The following SRGAP2B variants were observed in gnomAD, a reference collection of about 807,000 sequenced individuals.
The protein encoded by SRGAP2B is SLIT-ROBO Rho GTPase-activating protein 2B.
SRGAP2B carries 9 observed loss-of-function variants against 22.2 expected under a neutral mutation model. The observed-to-expected ratio is 0.41, with a 90% CI of 0.24 to 0.71. The LOEUF (loss-of-function observed/expected upper bound fraction) is 0.71, where lower values mean the gene tolerates loss of function less well. Among genes scored for constraint, SRGAP2B ranks in the 30% least tolerant of loss-of-function variants. The pLI is 0.35. For synonymous variants in SRGAP2B, 36 were observed against 87.4 expected, an observed-to-expected ratio of 0.41 and a Z score of 3.28; for missense variants, 114 against 235.8, an observed-to-expected ratio of 0.48 and a Z score of 3.38.
chr1:144,976,601 G>A (rs1471359687), intron 3 of SRGAP2B, among the ~76,000 whole-genome samples: 1 of 146,404 alleles, frequency 6.8e-6, no homozygotes, highest in Non-Finnish European at 1.5e-5. Flanking sequence ...CACAGTAAAG[G>A]CAAGGAAAGT....
intron 3 of SRGAP2B, among the ~76,000 whole-genome samples, chr1:144,967,600 A>G (rs1250011464): frequency 7.0e-6 from 1 of 143,188 alleles, no homozygotes; most frequent in African/African-American, 2.7e-5. Context: ...GCAAGAGCAA[A>G]CACATTCAAA....
At chr1:145,035,844 C>T (rs1440929683) in intron 2 of SRGAP2B, among the ~76,000 whole-genome samples, 41 of 147,430 alleles carry the variant, frequency 2.8e-4, no homozygotes, top group South Asian at 2.2e-4. Context: ...GATTCAGTTA[C>T]GCTCTGTATT....
intron 4 of SRGAP2B, among the ~76,000 whole-genome samples, chr1:144,925,267 A>T (rs1437413767): frequency 6.7e-6 from 1 of 149,308 alleles, no homozygotes; most frequent in African/African-American, 2.6e-5. Context: ...GGCCTCCGAA[A>T]GTGCTGTGAT....
chr1:144,970,994 C>G (rs1668470871), intron 3 of SRGAP2B, among the ~76,000 whole-genome samples: 1 of 150,400 alleles, frequency 6.6e-6, no homozygotes, highest in South Asian at 2.1e-4. Context: ...CTCAACAGCC[C>G]ACACAATGAA....
rs1277124673 is a variant in SRGAP2B at position 145,067,201 on chromosome 1, A to G, written c.67+25634T>C. Among the ~76,000 whole-genome samples the G allele has an allele frequency of 4.1e-5, 6 of 147,218 alleles. No homozygotes were observed. In the East Asian group the frequency reaches 1.2e-3, roughly 29 times the overall value. ...CTACCGGGGTGGCTGAGGCACAAAA[A>G]TCATTTGAACCTGGGAGGCAGAGGT... On this transcript the variant is annotated intron_variant, in intron 2 of 9. Coordinates refer to ENST00000612199, the Ensembl canonical transcript of SRGAP2B.
chr1:144,995,015 G>T lies in SRGAP2B; in HGVS notation c.253C>A (p.Gln85Lys), dbSNP rs782357579. The change falls in exon 3 of 10, where the codon CAA becomes AAA. Residue 85 changes from glutamine (Q) to lysine (K), a missense_variant. Gln to Lys is a moderately conservative substitution (Grantham distance 53, BLOSUM62 1). Transcript: ENST00000612199. ...TAGCCACAGAGCCCCTACTTGAATT[G>T]CTGGTCCTTGGTGCTGCATGTCTTG... The T allele has an allele frequency of 1.4e-5, 21 of 1,530,510 alleles. 1 individual carries two copies. Among genetic ancestry groups the T allele is most frequent in the Middle Eastern group, 3.5e-4 (2 of 5,762 alleles). 94.8% of individuals were successfully genotyped at this position (1,530,510 alleles called of 1,614,324 possible).
chr1:144,907,165 A>G (rs1425604941), intron 5 of SRGAP2B, among the ~76,000 whole-genome samples: 5 of 148,656 alleles, frequency 3.4e-5, no homozygotes, highest in African/African-American at 1.3e-4. Flanking sequence ...GTGTGTGTGC[A>G]TGTGTGTGTG....
At chr1:144,914,322 C>A (rs1334737609) in intron 5 of SRGAP2B, among the ~76,000 whole-genome samples, 16 of 151,096 alleles carry the variant, frequency 1.1e-4, no homozygotes, top group Admixed American at 5.3e-4. Context: ...GCCTTTCCGA[C>A]AGGCACATAT....
chr1:145,075,963 C>T (rs1553633971), intron 2 of SRGAP2B, among the ~76,000 whole-genome samples: 3 of 149,828 alleles, frequency 2.0e-5, no homozygotes, highest in Admixed American at 6.6e-5. Context: ...TGGCACGCAC[C>T]TATAATCCCA....
intron 2 of SRGAP2B, among the ~76,000 whole-genome samples, chr1:145,041,378 T>A (rs2102350784): frequency 7.4e-6 from 1 of 135,778 alleles, no homozygotes; most frequent in East Asian, 2.1e-4. Flanking sequence ...TCGCAGCACC[T>A]TGGGAGGCTG....
chr1:145,007,117 A>G (rs1671655469), intron 2 of SRGAP2B, among the ~76,000 whole-genome samples: 1 of 150,556 alleles, frequency 6.6e-6, no homozygotes, highest in Non-Finnish European at 1.5e-5. Context: ...GTAAGCCTCC[A>G]TTAAAAGGCA....
intron 4 of SRGAP2B, among the ~76,000 whole-genome samples, chr1:144,938,912 GT>G (rs1665832910): frequency 1.3e-5 from 1 of 77,242 alleles, no homozygotes; most frequent in Non-Finnish European, 2.5e-5. Context: ...CTGCCTTCTG[GT>G]AAATCTAATT....
chr1:144,947,485 G>GTGACTGAT (rs1380304663), intron 4 of SRGAP2B, among the ~76,000 whole-genome samples: 25 of 149,562 alleles, frequency 1.7e-4, no homozygotes, highest in Admixed American at 1.6e-3. Flanking sequence ...CAATTCTCTT[G>GTGACTGAT]TGACTGATTC....
chr1:144,966,457 C>T (rs1295619005), intron 3 of SRGAP2B, among the ~76,000 whole-genome samples: 2 of 147,192 alleles, frequency 1.4e-5, no homozygotes, highest in Admixed American at 1.3e-4. Flanking sequence ...ATTTTGTCAC[C>T]ACCAGGCCTG....
At chr1:144,967,544 G>C (rs1377602676) in intron 3 of SRGAP2B, among the ~76,000 whole-genome samples, 1 of 148,230 alleles carries the variant, frequency 6.7e-6, no homozygotes, top group Non-Finnish European at 1.5e-5. Flanking sequence ...AAGCAGGAAA[G>C]ATCCAAAATT....
At chr1:145,061,417 T>G (rs1374169097) in intron 2 of SRGAP2B, among the ~76,000 whole-genome samples, 1 of 97,978 alleles carries the variant, frequency 1.0e-5, no homozygotes, top group African/African-American at 4.4e-5. Flanking sequence ...AATTCTGCCC[T>G]TCATTTCTCA....
chr1:144,980,674 T>C (rs1669260542), intron 3 of SRGAP2B, among the ~76,000 whole-genome samples: 1 of 146,222 alleles, frequency 6.8e-6, no homozygotes, highest in Non-Finnish European at 1.5e-5. Flanking sequence ...AAGGAGGAGC[T>C]AGCAGAAAAG....
intron 2 of SRGAP2B, 109 bp from the exon 3 acceptor site, chr1:144,995,309 T>C (rs1447795407): frequency 2.5e-6 from 1 of 402,246 alleles, no homozygotes. Flanking sequence ...CCCTGGGAAA[T>C]TGAAAGCCCT....
At chr1:145,006,966 C>T (rs1226553740) in intron 2 of SRGAP2B, among the ~76,000 whole-genome samples, 1 of 150,436 alleles carries the variant, frequency 6.6e-6, no homozygotes, top group East Asian at 1.9e-4. Context: ...ACCTGTGTCT[C>T]CCTGAACAAG....
Sources: allele counts gnomAD v4.1 joint callset (sites outside exome capture counted in the v4.1 genomes callset), GRCh38; gene constraint gnomAD v4.1.1; transcripts MANE v1.5; gene names NCBI Gene and HGNC (gene_info 2026-07-23, HGNC 2026-07-21).